The following DOCK9 variants were observed in gnomAD, a reference collection of about 807,000 sequenced individuals.
DOCK9 encodes the protein dedicator of cytokinesis protein 9.
In DOCK9, 89 loss-of-function variants were observed where a neutral mutation model predicts 263.3. The observed-to-expected ratio is 0.34, with a 90% CI of 0.28 to 0.40. The LOEUF (loss-of-function observed/expected upper bound fraction) is 0.40. DOCK9 is among the 10% of genes least tolerant of loss of function. The pLI, the probability that DOCK9 is intolerant of heterozygous loss-of-function variation, is 1.00. For synonymous variants in DOCK9, 976 were observed against 973.1 expected, an observed-to-expected ratio of 1.00 and a Z score of -0.06; for missense variants, 2,140 against 2,603.4, an observed-to-expected ratio of 0.82 and a Z score of 3.87.
intron 33 of DOCK9, 67 bp from the exon 34 acceptor site, chr13:98,856,098 C>CCTG: frequency 6.5e-7 from 1 of 1,536,968 alleles, no homozygotes; most frequent in Non-Finnish European, 8.9e-7. Flanking sequence ...GAGTACTGAA[C>CCTG]TTTAAGGGAA....
intron 1 of DOCK9, among the ~76,000 whole-genome samples, chr13:99,078,161 T>A (rs529190524): frequency 6.6e-6 from 1 of 151,426 alleles, no homozygotes; most frequent in South Asian, 2.1e-4. Flanking sequence ...AGTAGAAGAG[T>A]CAGGCAGGAA....
rs1313833021 is a variant in DOCK9 at position 98,805,094 on chromosome 13, T to C, written c.5630A>G (p.Asn1877Ser). 1 of 1,611,864 alleles carries C rather than the reference T, an allele frequency of 6.2e-7. No homozygotes were observed. The highest frequency in any genetic ancestry group is 2.2e-5 in the East Asian group (1 of 44,838). Reference protein sequence around the residue: ...ERKTEFERSHNIRRFMFEMPF... With the variant: ...ERKTEFERSHSIRRFMFEMPF... ...CATCTCAAACATGAAGCGGCGGATG[T>C]TGTGGGATCTCTCAAACTCTGTTTT... Residue 1877 changes from asparagine (N) to serine (S), a missense_variant, in exon 49 of 53, where the codon AAC becomes AGC. Physicochemically the swap from Asn to Ser is conservative, Grantham distance 46. Transcript: ENST00000682017.
intron 15 of DOCK9, among the ~76,000 whole-genome samples, chr13:98,889,693 G>A (rs1202672418): frequency 5.3e-5 from 8 of 152,138 alleles, no homozygotes; most frequent in East Asian, 3.9e-4. Flanking sequence ...GGGGTCTAGC[G>A]ATGTTCCTCT....
intron 1 of DOCK9, among the ~76,000 whole-genome samples, chr13:98,960,944 T>C (rs1192120617): frequency 6.6e-6 from 1 of 152,216 alleles, no homozygotes; most frequent in Non-Finnish European, 1.5e-5. Context: ...CCCTGAAAAT[T>C]GTATACATTC....
intron 1 of DOCK9, among the ~76,000 whole-genome samples, chr13:99,049,143 A>G (rs886762838): frequency 1.1e-4 from 17 of 152,224 alleles, no homozygotes; most frequent in Non-Finnish European, 1.5e-4. Flanking sequence ...CAATTCTCTC[A>G]TTACTCAAGA....
At chr13:99,037,022 G>A (rs1362399088) in intron 1 of DOCK9, among the ~76,000 whole-genome samples, 1 of 152,182 alleles carries the variant, frequency 6.6e-6, no homozygotes, top group East Asian at 1.9e-4. Flanking sequence ...CTCAGACTCT[G>A]ATGGATTTTT....
At chr13:98,817,867 T>C (rs1265005101) in intron 45 of DOCK9, among the ~76,000 whole-genome samples, 1 of 151,612 alleles carries the variant, frequency 6.6e-6, no homozygotes, top group Admixed American at 6.6e-5. Flanking sequence ...AGATAGAGCT[T>C]AGTAAGTAAT....
chr13:98,902,284 C>T lies in DOCK9; in HGVS notation c.1380+4G>A. The T allele has an allele frequency of 6.2e-7, 1 of 1,613,102 alleles. No homozygotes were observed. Among genetic ancestry groups the T allele is most frequent in the Non-Finnish European group, 8.5e-7 (1 of 1,179,674 alleles). ...AGTGGGAATGCTGGGCTCATACTCC[C>T]CACCTGCTTCGGATACTGCATGGCG... On this transcript the variant is annotated splice_donor_region_variant and intron_variant, in intron 12 of 52. Transcript: ENST00000682017.
At chr13:98,974,058 T>C (rs963268243) in intron 1 of DOCK9, among the ~76,000 whole-genome samples, 1 of 152,188 alleles carries the variant, frequency 6.6e-6, no homozygotes, top group African/African-American at 2.4e-5. Context: ...AAATGGCATA[T>C]AACCCAGCCT....
At chr13:98,844,857 G>T (rs1450949818) in intron 38 of DOCK9, among the ~76,000 whole-genome samples, 6 of 152,132 alleles carry the variant, frequency 3.9e-5, no homozygotes, top group Non-Finnish European at 8.8e-5. Flanking sequence ...AAAGAGGTGT[G>T]AAAAATCACA....
At chr13:98,907,654 C>T (rs2049326216) in intron 9 of DOCK9, among the ~76,000 whole-genome samples, 1 of 152,156 alleles carries the variant, frequency 6.6e-6, no homozygotes, top group South Asian at 2.1e-4. Flanking sequence ...ACCTAATATA[C>T]ATCTATTGCT....
At position 98,919,857 on chromosome 13, in the gene DOCK9, C is replaced by T. The variant is rs572013295; in HGVS notation, c.717+1097G>A. Among the ~76,000 whole-genome samples the T allele has an allele frequency of 1.8e-4, 27 of 152,322 alleles. 1 individual carries two copies. The highest frequency in any genetic ancestry group is 1.4e-3 in the Admixed American group (21 of 15,308). ...GCAGGTGTTAGATCTTCAAAACATA[C>T]GCTTTCTCCTTAACTCTATTTTCTC... is the stretch of plus-strand genomic sequence containing the variant. On this transcript the variant is annotated intron_variant, in intron 7 of 52. Transcript: ENST00000682017.
chr13:98,942,225 T>C (rs1211563088), intron 2 of DOCK9, among the ~76,000 whole-genome samples: 1 of 136,004 alleles, frequency 7.4e-6, no homozygotes, highest in Non-Finnish European at 1.5e-5. Flanking sequence ...GTTATGTTTT[T>C]TTTTTTGTTG....
chr13:99,010,245 A>G (rs1347399632), intron 1 of DOCK9, among the ~76,000 whole-genome samples: 1 of 152,252 alleles, frequency 6.6e-6, no homozygotes, highest in Non-Finnish European at 1.5e-5. Flanking sequence ...AGAATAATCC[A>G]TCAGCTCTTC....
chr13:99,054,921 CT>C (rs1424662103), intron 1 of DOCK9, among the ~76,000 whole-genome samples: 1 of 152,172 alleles, frequency 6.6e-6, no homozygotes, highest in Non-Finnish European at 1.5e-5. Flanking sequence ...GCCTTCTTCA[CT>C]TACTTTCCTA....
intron 1 of DOCK9, among the ~76,000 whole-genome samples, chr13:98,989,373 AATAATG>A (rs72014065): frequency 0.11 from 14,976 of 140,034 alleles, 932 homozygotes; most frequent in African/African-American, 0.17. Flanking sequence ...TAATAATAAT[AATAATG>A]ATAATACAGA....
chr13:98,974,447 C>G (rs145214317), intron 1 of DOCK9, among the ~76,000 whole-genome samples: 1 of 152,032 alleles, frequency 6.6e-6, no homozygotes, highest in Admixed American at 6.6e-5. Context: ...AACACATATT[C>G]TCTTGGAAAC....
chr13:99,073,628 G>T (rs1410686756), intron 1 of DOCK9, among the ~76,000 whole-genome samples: 1 of 152,102 alleles, frequency 6.6e-6, no homozygotes, highest in South Asian at 2.1e-4. Context: ...TATAGAAAAG[G>T]GCAGTCCTGA....
intron 20 of DOCK9, 47 bp from the exon 21 acceptor site, chr13:98,885,139 A>G: frequency 6.3e-7 from 1 of 1,594,258 alleles, no homozygotes; most frequent in Non-Finnish European, 8.6e-7. Flanking sequence ...CTGTGAGTGT[A>G]TGAAAACTTA....
Sources: gnomAD v4.1 joint callset for allele counts (sites outside exome capture counted in the v4.1 genomes callset) on GRCh38, gnomAD v4.1.1 for gene constraint, MANE v1.5 for transcripts, NCBI Gene and HGNC (gene_info 2026-07-23, HGNC 2026-07-21) for gene names.